SYT12: variants seen among roughly 807,000 people sequenced by gnomAD.
SYT12 encodes synaptotagmin 12, also known as synaptotagmin-12.
Under a neutral mutation model 39.5 loss-of-function variants are expected in SYT12, and 27 were observed. The observed-to-expected ratio is 0.68, with a 90% CI of 0.50 to 0.94. The LOEUF (loss-of-function observed/expected upper bound fraction) is 0.94. SYT12 is among the 40% of genes least tolerant of loss of function. The pLI, the probability that SYT12 is intolerant of heterozygous loss-of-function variation, is 0.00. For missense variants in SYT12, 536 were observed against 572.6 expected, an observed-to-expected ratio of 0.94 and a Z score of 0.65; for synonymous variants, 233 against 239.7, an observed-to-expected ratio of 0.97 and a Z score of 0.26.
At chr11:67,038,726 C>T (rs1443523421) in intron 3 of SYT12, among the ~76,000 whole-genome samples, 2 of 152,102 alleles carry the variant, frequency 1.3e-5, no homozygotes, top group Admixed American at 6.6e-5. Flanking sequence ...TGGTGGCTCA[C>T]GCCTGTAATC....
rs1172307451 is a variant in SYT12 at position 67,035,790 on chromosome 11, T to TTTCCTTCCTTCCTTCC, written c.228+987_228+1002dup. Among the ~76,000 whole-genome samples, 212 of 73,210 alleles carry TTTCCTTCCTTCCTTCC rather than the reference T, an allele frequency of 2.9e-3. 10 individuals carry two copies. The highest frequency in any genetic ancestry group is 7.9e-3 in the African/African-American group (132 of 16,770). The allele number at this position is 73,210 out of a possible 152,430, so 48.0% of individuals were successfully genotyped here. On this transcript the variant is annotated intron_variant, in intron 3 of 7. Transcript: ENST00000527043. ...CTTTCTTTTCTTTTCTTTTCTTTTC[T>TTTCCTTCCTTCCTTCC]TTCCTTCCTTCCTTCCTTCCTTCCT...
intron 1 of SYT12, chr11:67,029,029 C>T (rs1950220123): frequency 6.6e-6 from 1 of 152,272 alleles, no homozygotes; most frequent in Non-Finnish European, 1.5e-5. Context: ...GTGCCCTTGA[C>T]CTGAGATCAG....
intron 6 of SYT12, 42 bp from the exon 7 acceptor site, chr11:67,045,698 GGTGA>G (rs1854521033): frequency 1.2e-6 from 2 of 1,604,362 alleles, no homozygotes; most frequent in South Asian, 1.1e-5. Context: ...GCAGGGCTGT[GGTGA>G]GTGAGTGTGA....
At chr11:67,048,543 A>C in intron 7 of SYT12, 41 bp from the exon 8 acceptor site, 1 of 1,578,414 alleles carries the variant, frequency 6.3e-7, no homozygotes, top group Non-Finnish European at 8.7e-7. Flanking sequence ...AGTACCTCTG[A>C]CTGCCCCTGG....
chr11:67,007,387 G>A (rs2136190943), exon 1 of SYT12: 1 of 152,358 alleles, frequency 6.6e-6, no homozygotes, highest in South Asian at 2.1e-4. Flanking sequence ...TCCCTCTCAG[G>A]TTCTGAAGGA....
At chr11:67,006,847 T>C (rs976152034) in exon 1 of SYT12, 2 of 152,270 alleles carry the variant, frequency 1.3e-5, no homozygotes, top group African/African-American at 4.8e-5. Context: ...TGAAGGGCAC[T>C]TGGGCTCATA....
In SYT12 at chr11:67,039,805, C is replaced by A; in HGVS notation, c.229-6C>A. On this transcript the variant is annotated splice_region_variant and splice_polypyrimidine_tract_variant and intron_variant, in intron 3 of 7. Transcript: ENST00000527043. ...ATGCTCCCACGTCCCTCTTTCTCAC[C>A]CCTAGAGAGTGCCTGCCTGGAATGC... 1 of 1,606,898 alleles carries A rather than the reference C, an allele frequency of 6.2e-7. No homozygotes were observed.
chr11:67,034,127 T>G (rs1052700068), intron 2 of SYT12, among the ~76,000 whole-genome samples: 1 of 152,222 alleles, frequency 6.6e-6, no homozygotes, highest in Admixed American at 6.5e-5. Flanking sequence ...TAGTATATTG[T>G]GCAACCAACC....
chr11:67,008,913 G>T (rs1037479397), intron 1 of SYT12, among the ~76,000 whole-genome samples: 1 of 152,092 alleles, frequency 6.6e-6, no homozygotes, highest in East Asian at 1.9e-4. Context: ...AAGGAACCTT[G>T]GTGATAGAGA....
In SYT12 at chr11:67,044,640, C is replaced by T. The variant is rs996739867; in HGVS notation, c.885C>T (p.Pro295=). 8.7e-6 allele frequency: 14 copies of T among 1,613,580 alleles called. No homozygotes were observed. Among genetic ancestry groups the T allele is most frequent in the Non-Finnish European group, 1.2e-5 (14 of 1,179,994 alleles). The change falls in exon 6 of 8, where the codon CCC becomes CCT. Residue 295 remains proline (P), a synonymous_variant. Transcript: ENST00000527043. ...TCCTGCTCTCCCTCAGCTACCTCCC[C>T]ACAGCCGAGCGCCTCACCGTGGTCG... The part of the protein sequence containing the change: ...GEILLSLSYL[P]TAERLTVVVV...
intron 3 of SYT12, 93 bp downstream of exon 3, chr11:67,034,931 C>T: frequency 1.0e-6 from 1 of 963,410 alleles, no homozygotes; most frequent in East Asian, 3.0e-5. Context: ...CCCTCCGTCA[C>T]CACCTCCTCC....
chr11:67,036,272 A>G (rs758798110), intron 3 of SYT12, among the ~76,000 whole-genome samples: 8 of 152,174 alleles, frequency 5.3e-5, no homozygotes, highest in Non-Finnish European at 1.2e-4. Flanking sequence ...TTGAACACAC[A>G]TCATAAACAT....
At chr11:67,041,282 G>A (rs1950508384) in intron 4 of SYT12, among the ~76,000 whole-genome samples, 1 of 152,050 alleles carries the variant, frequency 6.6e-6, no homozygotes, top group Non-Finnish European at 1.5e-5. Context: ...GACCAGCCTG[G>A]CCAATATGGT....
intron 3 of SYT12, among the ~76,000 whole-genome samples, chr11:67,013,206 G>T (rs1249625293): frequency 6.6e-6 from 1 of 152,194 alleles, no homozygotes; most frequent in East Asian, 1.9e-4. Flanking sequence ...ACATAACTTA[G>T]TTGGGGCTAG....
chr11:67,027,333 C>G (rs769563790), intron 1 of SYT12: 1 of 152,064 alleles, frequency 6.6e-6, no homozygotes, highest in Non-Finnish European at 1.5e-5. Flanking sequence ...AACCCCGTCT[C>G]TACTGAAAAT....
upstream of SYT12, among the ~76,000 whole-genome samples, chr11:67,019,804 G>A (rs1950090222): frequency 6.6e-6 from 1 of 151,904 alleles, no homozygotes; most frequent in Non-Finnish European, 1.5e-5. Flanking sequence ...GGCTGAGGTG[G>A]GAGGATCACC....
chr11:67,012,617 C>T (rs1326074222), intron 3 of SYT12, among the ~76,000 whole-genome samples: 13 of 152,176 alleles, frequency 8.5e-5, no homozygotes, highest in Admixed American at 8.5e-4. Flanking sequence ...TTATAAATAT[C>T]AGCAGGGAAA....
upstream of SYT12, among the ~76,000 whole-genome samples, chr11:67,019,923 C>T (rs1950092116): frequency 6.6e-6 from 1 of 151,402 alleles, no homozygotes; most frequent in Admixed American, 6.6e-5. Flanking sequence ...AGTGGCGAGC[C>T]GCTTGCTGGA....
At chr11:67,030,590 C>A (rs1471917136) in intron 2 of SYT12, 1 of 177,270 alleles carries the variant, frequency 5.6e-6, no homozygotes, top group East Asian at 1.7e-4. Context: ...AACTCAGAGA[C>A]CACCCAGTCC....
Sources: gnomAD v4.1 joint callset for allele counts (sites outside exome capture counted in the v4.1 genomes callset) on GRCh38, gnomAD v4.1.1 for gene constraint, MANE v1.5 for transcripts, NCBI Gene and HGNC (gene_info 2026-07-23, HGNC 2026-07-21) for gene names.